Variants in TCF12 observed in about 807,000 individuals in gnomAD.
TCF12 encodes transcription factor 12.
In TCF12, 45 loss-of-function variants were observed where a neutral mutation model predicts 86.0. The observed-to-expected ratio is 0.52, with a 90% CI of 0.41 to 0.67. TCF12 has a LOEUF of 0.67. Ranked by LOEUF, TCF12 falls within the 30% of genes least tolerant of loss-of-function variation. The pLI, the probability that TCF12 is intolerant of heterozygous loss-of-function variation, is 0.00. For synonymous variants in TCF12, 330 were observed against 299.6 expected (o/e 1.10, Z -1.05); for missense variants, 881 against 859.9 (o/e 1.02, Z -0.31).
intron 19 of TCF12, among the ~76,000 whole-genome samples, chr15:57,277,427 G>A (rs1231123517): frequency 1.3e-5 from 2 of 151,548 alleles, no homozygotes; most frequent in East Asian, 3.9e-4. Context: ...TCAAGAGATC[G>A]AGACCATCCT....
chr15:57,153,604 T>C (rs189068092), intron 5 of TCF12, among the ~76,000 whole-genome samples: 7 of 152,204 alleles, frequency 4.6e-5, no homozygotes, highest in African/African-American at 1.7e-4. Context: ...AACAGTAATC[T>C]AAAAGATGGG....
intron 12 of TCF12, among the ~76,000 whole-genome samples, chr15:57,238,513 C>G (rs2059472297): frequency 6.6e-6 from 1 of 152,170 alleles, no homozygotes; most frequent in Admixed American, 6.5e-5. Context: ...TATGATTATT[C>G]TCAAAGCTTA....
intron 9 of TCF12, 110 bp from the exon 10 acceptor site, chr15:57,232,180 GA>G: frequency 1.7e-6 from 2 of 1,211,266 alleles, no homozygotes; most frequent in Non-Finnish European, 1.2e-6. Flanking sequence ...GACTAGGTTG[GA>G]AAAGGGAGGA....
intron 3 of TCF12, among the ~76,000 whole-genome samples, chr15:56,935,219 C>T (rs959309084): frequency 9.9e-5 from 15 of 152,130 alleles, no homozygotes; most frequent in African/African-American, 3.6e-4. Flanking sequence ...GCCAGTTGCT[C>T]TCTTTTTCCA....
At position 57,274,659 on chromosome 15, in the gene TCF12, T is replaced by C. The variant is rs2440973; in HGVS notation, c.1978+1397T>C. On this transcript the variant is annotated intron_variant, in intron 19 of 20. Transcript: ENST00000333725. ...GCAGCAAGGCACCTATGTTCAGTGGTTCAAGTACACTCATCCTCCTCTTCT... is the reference window on the plus strand; with the variant it reads ...GCAGCAAGGCACCTATGTTCAGTGGCTCAAGTACACTCATCCTCCTCTTCT... 1.1e-3 allele frequency among the ~76,000 whole-genome samples: 164 copies of C among 152,246 alleles called. 2 individuals are homozygous for C. The East Asian group carries it at 0.028, about 26-fold the overall frequency.
intron 5 of TCF12, among the ~76,000 whole-genome samples, chr15:57,149,209 A>C (rs1466364031): frequency 1.3e-5 from 2 of 152,192 alleles, no homozygotes; most frequent in African/African-American, 4.8e-5. Context: ...AGCAATTTTC[A>C]CCAGTGTTTT....
chr15:57,084,113 T>A (rs2048478752), intron 4 of TCF12, among the ~76,000 whole-genome samples: 2 of 152,182 alleles, frequency 1.3e-5, no homozygotes, highest in African/African-American at 4.8e-5. Context: ...ATATTGTACC[T>A]TATGTTTGAT....
intron 8 of TCF12, among the ~76,000 whole-genome samples, chr15:57,209,561 C>A (rs1284305517): frequency 6.6e-6 from 1 of 152,202 alleles, no homozygotes; most frequent in African/African-American, 2.4e-5. Flanking sequence ...AAGAATTTAA[C>A]CATTCGTGGT....
chr15:57,165,130 A>C (rs1019499629), intron 5 of TCF12, among the ~76,000 whole-genome samples: 2 of 82,752 alleles, frequency 2.4e-5, no homozygotes, highest in Non-Finnish European at 5.0e-5. Context: ...GAAGGAATGT[A>C]TGTCTGTGTG....
intron 3 of TCF12, among the ~76,000 whole-genome samples, chr15:56,934,746 T>G (rs2060392288): frequency 6.6e-6 from 1 of 152,190 alleles, no homozygotes; most frequent in South Asian, 2.1e-4. Context: ...AAATCCAAAG[T>G]AAGGAGACTA....
intron 5 of TCF12, among the ~76,000 whole-genome samples, chr15:57,144,940 C>G (rs2053252289): frequency 6.6e-6 from 1 of 152,090 alleles, no homozygotes; most frequent in South Asian, 2.1e-4. Context: ...TGGGTTACTT[C>G]ACATGCATGA....
intron 8 of TCF12, among the ~76,000 whole-genome samples, chr15:57,204,760 A>AT (rs10712467): frequency 0.012 from 1,772 of 149,546 alleles, 34 homozygotes; most frequent in African/African-American, 0.04. Context: ...TAAACTGAAG[A>AT]TTTTTTTTTT....
chr15:57,196,694 A>AT (rs2057282521), intron 7 of TCF12, among the ~76,000 whole-genome samples: 1 of 152,212 alleles, frequency 6.6e-6, no homozygotes, highest in South Asian at 2.1e-4. Context: ...AACATATGAA[A>AT]TACTCATGTT....
At chr15:57,256,560 A>ACCCCCT (rs2060357817) in intron 16 of TCF12, among the ~76,000 whole-genome samples, 1 of 40,474 alleles carries the variant, frequency 2.5e-5, no homozygotes, top group African/African-American at 9.0e-5. Context: ...CCCCACCCCC[A>ACCCCCT]CCCCGCCCCA....
At chr15:56,959,615 T>TC (rs1347658784) in intron 3 of TCF12, among the ~76,000 whole-genome samples, 2 of 152,224 alleles carry the variant, frequency 1.3e-5, no homozygotes, top group Admixed American at 6.5e-5. Context: ...AACCTTTTTT[T>TC]CTCAAAGAGT....
intron 4 of TCF12, among the ~76,000 whole-genome samples, chr15:57,068,808 T>G (rs1454165223): frequency 1.3e-5 from 2 of 152,200 alleles, no homozygotes; most frequent in African/African-American, 4.8e-5. Flanking sequence ...TACTTCTATG[T>G]GTCTTAGTTT....
At chr15:57,114,218 T>C (rs1406180258) in intron 5 of TCF12, among the ~76,000 whole-genome samples, 1 of 152,212 alleles carries the variant, frequency 6.6e-6, no homozygotes, top group Non-Finnish European at 1.5e-5. Flanking sequence ...AGCTTGTTAC[T>C]TGGGGAAGTG....
chr15:57,197,963 A>G (rs1199662966), intron 8 of TCF12, 138 bp downstream of exon 8: 4 of 820,180 alleles, frequency 4.9e-6, no homozygotes, highest in Non-Finnish European at 7.7e-6. Flanking sequence ...TAACAAAATC[A>G]TTGATTGAGG....
At chr15:57,028,431 A>T (rs551507479) in intron 3 of TCF12, among the ~76,000 whole-genome samples, 1 of 152,064 alleles carries the variant, frequency 6.6e-6, no homozygotes, top group Non-Finnish European at 1.5e-5. Flanking sequence ...GTAGTATCTC[A>T]TTATGGTTTT....
Sources: gnomAD v4.1 joint callset for allele counts (sites outside exome capture counted in the v4.1 genomes callset) on GRCh38, gnomAD v4.1.1 for gene constraint, MANE v1.5 for transcripts, NCBI Gene and HGNC (gene_info 2026-07-23, HGNC 2026-07-21) for gene names.